The following CD58 variants were observed in gnomAD, a reference collection of about 807,000 sequenced individuals.
The protein encoded by CD58 is lymphocyte function-associated antigen 3.
A neutral mutation model predicts 27.6 loss-of-function variants in CD58; 14 were observed. The ratio of observed to expected loss-of-function variants is 0.51; its 90% CI spans 0.34 to 0.79. The LOEUF (loss-of-function observed/expected upper bound fraction) is 0.79. Ranked by LOEUF, CD58 falls within the 30% of genes least tolerant of loss-of-function variation. The probability of loss-of-function intolerance (pLI) is 0.02; values close to 1 mark genes in which losing one functional copy is unlikely to be tolerated. For synonymous variants in CD58, 117 were observed against 103.8 expected (o/e 1.13, Z -0.77); for missense variants, 268 against 301.7 (o/e 0.89, Z 0.83).
At chr1:116,565,274 C>T (rs1487518930) in intron 1 of CD58, among the ~76,000 whole-genome samples, 3 of 152,160 alleles carry the variant, frequency 2.0e-5, no homozygotes, top group Non-Finnish European at 4.4e-5. Flanking sequence ...AGGATCCAAC[C>T]CTGACTACTT....
chr1:116,569,558 G>T (rs1053004967), intron 1 of CD58, among the ~76,000 whole-genome samples: 1 of 150,038 alleles, frequency 6.7e-6, no homozygotes, highest in African/African-American at 2.5e-5. Flanking sequence ...TTTCACAAAA[G>T]AGACTGCCTT....
chr1:116,537,462 T>C lies in CD58; in HGVS notation c.365-1234A>G, dbSNP rs1438152638. 8.5e-5 allele frequency among the ~76,000 whole-genome samples: 13 copies of C among 152,326 alleles called. No homozygotes were observed. In the East Asian group the frequency reaches 1.5e-3, roughly 18 times the overall value. On this transcript the variant is annotated intron_variant, in intron 2 of 5. Coordinates refer to ENST00000369489, the MANE Select transcript of CD58 (RefSeq NM_001779.3). ...TCCATAATACATCTGACTCAATACATTTTGTGAAAGGTGGAGCTACACAGA... is the reference window on the plus strand; with the variant it reads ...TCCATAATACATCTGACTCAATACACTTTGTGAAAGGTGGAGCTACACAGA...
chr1:116,533,004 C>A, intron 3 of CD58: 1 of 750,456 alleles, frequency 1.3e-6, no homozygotes, highest in Non-Finnish European at 2.3e-6. Flanking sequence ...TCATCCTCAT[C>A]TTCTCCCTCC....
chr1:116,559,046 A>G lies in CD58; in HGVS notation c.70+11857T>C, dbSNP rs144956364. Among the ~76,000 whole-genome samples the G allele has an allele frequency of 5.6e-3, 853 of 152,276 alleles. 5 individuals carry two copies. The highest frequency in any genetic ancestry group is 0.02 in the African/African-American group (819 of 41,548). Reference sequence around the variant, plus strand: ...AAGAACATAATAAATGAAAAAGTAAATATCTTTTATTTGGATGATGTTGGA... The same window carrying G: ...AAGAACATAATAAATGAAAAAGTAAGTATCTTTTATTTGGATGATGTTGGA... On this transcript the variant is annotated intron_variant, in intron 1 of 5. Transcript: ENST00000369489. The surrounding 1 kb of genome is among the most constrained non-coding windows in gnomAD (Gnocchi z 4.4).
chr1:116,559,638 C>T lies in CD58; in HGVS notation c.70+11265G>A, dbSNP rs376204289. 1.3e-5 allele frequency among the ~76,000 whole-genome samples: 2 copies of T among 152,206 alleles called. No individual in the cohort carries two copies. Among genetic ancestry groups the T allele is most frequent in the East Asian group, 3.8e-4 (2 of 5,198 alleles). ...GCAGCCACCTGTCTCCCAACGGTTA[C>T]AAACCCTCGGTCCCCAAGGCCAGAG... On this transcript the variant is annotated intron_variant, in intron 1 of 5. Transcript: ENST00000369489. The surrounding 1 kb of genome is among the most constrained non-coding windows in gnomAD (Gnocchi z 4.4).
chr1:116,539,891 A>G (rs1657939981), intron 2 of CD58, among the ~76,000 whole-genome samples: 1 of 152,228 alleles, frequency 6.6e-6, no homozygotes, highest in South Asian at 2.1e-4. Flanking sequence ...CCCTAAGACA[A>G]TTAGTCAATT....
chr1:116,567,787 TAAA>T (rs1658989769), intron 1 of CD58, among the ~76,000 whole-genome samples: 1 of 152,054 alleles, frequency 6.6e-6, no homozygotes, highest in Non-Finnish European at 1.5e-5. Context: ...CTTACAAAGG[TAAA>T]ATGGTGCCTC....
In CD58 at chr1:116,563,814, A is replaced by C. The variant is rs1328794955; in HGVS notation, c.70+7089T>G. 6.6e-6 allele frequency among the ~76,000 whole-genome samples: 1 copy of C among 152,196 alleles called. No individual in the cohort carries two copies. Among genetic ancestry groups the C allele is most frequent in the Non-Finnish European group, 1.5e-5 (1 of 68,032 alleles). On this transcript the variant is annotated intron_variant, in intron 1 of 5. Transcript: ENST00000369489. This position sits in a 1 kb window ranked among gnomAD's most constrained non-coding sequence, Gnocchi z 4.1. Reference sequence around the variant, plus strand: ...CCAAGGCCTCCAGGCCTGTGATAGGAGGGGCTGCCATGAAGGTTTCTGATA... The same window carrying C: ...CCAAGGCCTCCAGGCCTGTGATAGGCGGGGCTGCCATGAAGGTTTCTGATA...
At chr1:116,537,328 G>C (rs1453941908) in intron 2 of CD58, among the ~76,000 whole-genome samples, 1 of 152,174 alleles carries the variant, frequency 6.6e-6, no homozygotes, top group African/African-American at 2.4e-5. Flanking sequence ...CCATAATTAA[G>C]TGGGGTGCTT....
chr1:116,515,068 C>G lies in CD58; in HGVS notation c.744-246G>C, dbSNP rs1035029972. Among the ~76,000 whole-genome samples, 56 of 152,220 alleles carry G rather than the reference C, an allele frequency of 3.7e-4. No individual in the cohort carries two copies. The highest frequency in any genetic ancestry group is 1.3e-3 in the African/African-American group (52 of 41,454). ...CTCAATAGCAGCCCCAAGGCTCCTC[C>G]CGCTTACTCTCTGAGTATAACTGAA... On this transcript the variant is annotated intron_variant, in intron 5 of 5. Coordinates refer to ENST00000369489, the MANE Select transcript of CD58 (RefSeq NM_001779.3). This position sits in a 1 kb window ranked among gnomAD's most constrained non-coding sequence, Gnocchi z 4.6.
In CD58 at chr1:116,563,870, G is replaced by A. The variant is rs563338062; in HGVS notation, c.70+7033C>T. Among the ~76,000 whole-genome samples the A allele has an allele frequency of 3.3e-5, 5 of 152,296 alleles. No individual in the cohort carries two copies. Among genetic ancestry groups the A allele is most frequent in the East Asian group, 1.9e-4 (1 of 5,188 alleles). On this transcript the variant is annotated intron_variant, in intron 1 of 5. Coordinates refer to ENST00000369489, the MANE Select transcript of CD58 (RefSeq NM_001779.3). The surrounding 1 kb of genome is among the most constrained non-coding windows in gnomAD (Gnocchi z 4.1). Reference sequence around the variant, plus strand: ...TGGAGACATTTTCCCCATTGTCTTCGTGATTAACATTTGGCTCCTCATTAC... The same window carrying A: ...TGGAGACATTTTCCCCATTGTCTTCATGATTAACATTTGGCTCCTCATTAC...
At chr1:116,565,480 T>A (rs1342036656) in intron 1 of CD58, among the ~76,000 whole-genome samples, 3 of 152,132 alleles carry the variant, frequency 2.0e-5, no homozygotes, top group Non-Finnish European at 2.9e-5. Flanking sequence ...GACCACACTA[T>A]GTAATACTAA....
rs1657263262 is a variant in CD58 at position 116,521,582 on chromosome 1, T to G, written c.706+324A>C. 6.6e-6 allele frequency among the ~76,000 whole-genome samples: 1 copy of G among 152,210 alleles called. No individual in the cohort carries two copies. The highest frequency in any genetic ancestry group is 1.5e-5 in the Non-Finnish European group (1 of 68,046). ...CAGAGGTGGCAGCCTAAAGAGGTCTTTAGCAAACTCTGACTTGGAGACCAG... is the reference window on the plus strand; with the variant it reads ...CAGAGGTGGCAGCCTAAAGAGGTCTGTAGCAAACTCTGACTTGGAGACCAG... On this transcript the variant is annotated intron_variant, in intron 4 of 5. Coordinates refer to ENST00000369489, the MANE Select transcript of CD58 (RefSeq NM_001779.3). The surrounding 1 kb of genome is among the most constrained non-coding windows in gnomAD (Gnocchi z 5.6).
chr1:116,548,341 G>GT (rs770717169), intron 1 of CD58, among the ~76,000 whole-genome samples: 35 of 108,316 alleles, frequency 3.2e-4, no homozygotes, highest in Admixed American at 9.5e-4. Flanking sequence ...TGTTGCATTT[G>GT]TTTTTGGGTT....
At chr1:116,565,368 A>G (rs1194908486) in intron 1 of CD58, among the ~76,000 whole-genome samples, 1 of 152,168 alleles carries the variant, frequency 6.6e-6, no homozygotes, top group Non-Finnish European at 1.5e-5. Context: ...CAGGGTCCTG[A>G]GTAGTAGACC....
intron 1 of CD58, among the ~76,000 whole-genome samples, chr1:116,562,248 G>C (rs1658780720): frequency 6.6e-6 from 1 of 152,136 alleles, no homozygotes; most frequent in Non-Finnish European, 1.5e-5. Flanking sequence ...TAGTTATGCA[G>C]ATAGTTGGCA....
At position 116,524,604 on chromosome 1, in the gene CD58, T is replaced by C. The variant is rs1427120650; in HGVS notation, c.629-2621A>G. Among the ~76,000 whole-genome samples the C allele has an allele frequency of 1.3e-5, 2 of 152,232 alleles. No individual in the cohort carries two copies. The highest frequency in any genetic ancestry group is 4.8e-5 in the African/African-American group (2 of 41,462). On this transcript the variant is annotated intron_variant, in intron 3 of 5. Transcript: ENST00000369489. The surrounding 1 kb of genome is among the most constrained non-coding windows in gnomAD (Gnocchi z 4.6). ...TACAATGTTTACTTAACCTAATCAA[T>C]TTACAGCTGAATCTCCTTTCTTTCA...
chr1:116,547,565 G>C (rs1361651053), intron 1 of CD58, among the ~76,000 whole-genome samples: 1 of 151,870 alleles, frequency 6.6e-6, no homozygotes, highest in Non-Finnish European at 1.5e-5. Flanking sequence ...TCCTGACCTC[G>C]TGATCTGCCC....
intron 1 of CD58, among the ~76,000 whole-genome samples, chr1:116,545,213 C>T (rs1473255038): frequency 8.5e-5 from 13 of 152,088 alleles, no homozygotes; most frequent in African/African-American, 2.4e-5. Context: ...AAAGGCCAGC[C>T]CACAGCCTAT....
Sources: gnomAD v4.1 joint callset for allele counts (sites outside exome capture counted in the v4.1 genomes callset) on GRCh38, gnomAD v4.1.1 for gene constraint, Gnocchi (gnomAD v3.1) non-coding constraint, MANE v1.5 for transcripts, NCBI Gene and HGNC (gene_info 2026-07-23, HGNC 2026-07-21) for gene names.